The following MC1R variants were observed in gnomAD, a reference collection of about 807,000 sequenced individuals.
MC1R encodes melanocortin 1 receptor.
For synonymous variants in MC1R, 263 were observed against 203.8 expected (o/e 1.29, Z -2.47); for missense variants, 542 against 430.0 (o/e 1.26, Z -2.30).
chr16:89,920,748 T>C lies in MC1R; in HGVS notation c.*536T>C, dbSNP rs2045715070. 1.4e-6 allele frequency: 1 copy of C among 713,968 alleles called. No individual in the cohort carries two copies. Among genetic ancestry groups the C allele is most frequent in the Non-Finnish European group, 2.6e-6 (1 of 383,394 alleles). The allele number at this position is 713,968 out of a possible 1,614,324, so 44.2% of individuals were successfully genotyped here. A position where few individuals can be genotyped will look rare whatever the true frequency, so the allele number is the denominator to read the frequency against. On this transcript the variant is annotated 3_prime_UTR_variant, in exon 1 of 1. Transcript: ENST00000555147. The stretch of plus-strand genomic sequence containing the variant: ...CTCCTGCAAAAGGAGGTGAAATCCC[T>C]GCCTCAGGCCAAGGGACCAGGTTTG...
Position 89,920,813 on chromosome 16 carries a change from G to C in MC1R, c.*601G>C, listed in dbSNP as rs1567759078. 1.6e-6 allele frequency: 1 copy of C among 628,860 alleles called. No individual in the cohort carries two copies. Among genetic ancestry groups the C allele is most frequent in the Admixed American group, 2.8e-5 (1 of 35,264 alleles). 39.0% of individuals were successfully genotyped at this position (628,860 alleles called of 1,614,324 possible). On this transcript the variant is annotated 3_prime_UTR_variant, in exon 1 of 1. Coordinates refer to ENST00000555147, the MANE Select transcript of MC1R (RefSeq NM_002386.4). The stretch of plus-strand genomic sequence containing the variant: ...GTGGTATGGGGCTGAGCCCTCCTGA[G>C]GGCCGGTTCTAAGGCTCAGACTGGG...
chr16:89,919,342 C>CA lies in MC1R; in HGVS notation c.86dup (p.Asn29LysfsTer14), dbSNP rs796296176. The CA allele has an allele frequency of 3.3e-3, 5,373 of 1,612,934 alleles. 15 individuals are homozygous for CA. Among genetic ancestry groups the CA allele is most frequent in the Non-Finnish European group, 4.4e-3 (5,143 of 1,179,738 alleles). Reference sequence around the variant, plus strand: ...CCATCCCCCAGCTGGGGCTGGCTGCCAACCAGACAGGAGCCCGGTGCCTGG... The same window carrying CA: ...CCATCCCCCAGCTGGGGCTGGCTGCCAAACCAGACAGGAGCCCGGTGCCTGG... On this transcript the variant is annotated frameshift_variant, in exon 1 of 1. Transcript: ENST00000555147. LOFTEE classifies it low-confidence loss of function (END_TRUNC).
In MC1R at chr16:89,920,104, C is replaced by T; in HGVS notation, c.846C>T (p.Leu282=). The T allele has an allele frequency of 6.2e-7, 1 of 1,614,010 alleles. No homozygotes were observed. Among genetic ancestry groups the T allele is most frequent in the Non-Finnish European group, 8.5e-7 (1 of 1,179,902 alleles). Residue 282 remains leucine, a synonymous_variant, in exon 1 of 1, where the codon CTC becomes CTT. Transcript: ENST00000555147. ...TCGCIFKNFN[L]FLALIICNAI... is the part of the protein sequence containing the mutation. ...GCTGCATCTTCAAGAACTTCAACCT[C>T]TTTCTCGCCCTCATCATCTGCAATG...
rs768463479 is a variant in MC1R, at chr16:89,919,224, C to T, written c.-35C>T. ...GGAAGAACTGTGGGGACCTGGAGGC[C>T]TCCAACGACTCCTTCCTGCTTCCTG... On this transcript the variant is annotated 5_prime_UTR_variant, in exon 1 of 1. Transcript: ENST00000555147. 9 of 1,442,880 alleles carry T rather than the reference C, an allele frequency of 6.2e-6. No homozygotes were observed. The South Asian group carries it at 9.4e-5, about 15-fold the overall frequency. The allele number at this position is 1,442,880 out of a possible 1,614,324, so 89.4% of individuals were successfully genotyped here. A position where few individuals can be genotyped will look rare whatever the true frequency, so the allele number is the denominator to read the frequency against.
Position 89,920,855 on chromosome 16 carries a change from T to C in MC1R, c.*643T>C. The C allele has an allele frequency of 1.7e-6, 1 of 600,074 alleles. No individual in the cohort carries two copies. The highest frequency in any genetic ancestry group is 2.9e-5 in the East Asian group (1 of 34,742). The allele number at this position is 600,074 out of a possible 1,614,324, so 37.2% of individuals were successfully genotyped here. A position where few individuals can be genotyped will look rare whatever the true frequency, so the allele number is the denominator to read the frequency against. ...CAGACTGGGCACTGGGGCCTCAGCC[T>C]GCTTTCCTGCAGCAGTCGCCCAAGC... is the stretch of plus-strand genomic sequence containing the variant. On this transcript the variant is annotated 3_prime_UTR_variant, in exon 1 of 1. Transcript: ENST00000555147.
At position 89,919,909 on chromosome 16, in the gene MC1R, C is replaced by A. The variant is rs756060136; in HGVS notation, c.651C>A (p.His217Gln). ...ACATGCTGGCCCGGGCCTGCCAGCA[C>A]GCCCAGGGCATCGCCCGGCTCCACA... The part of the protein sequence containing the change: ...YVHMLARACQ[H>Q]AQGIARLHKR... The change falls in exon 1 of 1, where the codon CAC becomes CAA. Residue 217 changes from histidine (H) to glutamine (Q), a missense_variant. Coordinates refer to ENST00000555147, the MANE Select transcript of MC1R (RefSeq NM_002386.4). 5 of 1,608,066 alleles carry A rather than the reference C, an allele frequency of 3.1e-6. No homozygotes were observed. The highest frequency in any genetic ancestry group is 2.2e-5 in the South Asian group (2 of 91,080).
Position 89,918,985 on chromosome 16 carries a change from G to A in MC1R, c.-274G>A. On this transcript the variant is annotated 5_prime_UTR_variant, in exon 1 of 1. Transcript: ENST00000555147. ...CAGCCACCAGGGAAGAGGCAGGGAG[G>A]GAGCTGAGGACCAGGCTTGGTTGTG... 1 of 504,292 alleles carries A rather than the reference G, an allele frequency of 2.0e-6. No individual in the cohort carries two copies. Among genetic ancestry groups the A allele is most frequent in the Non-Finnish European group, 3.6e-6 (1 of 281,240 alleles). 31.2% of individuals were successfully genotyped at this position (504,292 alleles called of 1,614,324 possible).
Position 89,919,329 on chromosome 16 carries a change from T to G in MC1R, c.71T>G (p.Leu24Arg). 1 of 1,612,494 alleles carries G rather than the reference T, an allele frequency of 6.2e-7. No individual in the cohort carries two copies. The highest frequency in any genetic ancestry group is 1.1e-5 in the South Asian group (1 of 91,010). ...LNSTPTAIPQ[L>R]GLAANQTGAR... ...TCCACCCCCACAGCCATCCCCCAGC[T>G]GGGGCTGGCTGCCAACCAGACAGGA... Residue 24 changes from leucine (L) to arginine (R), a missense_variant, in exon 1 of 1, where the codon CTG (leucine) becomes CGG (arginine). Coordinates refer to ENST00000555147, the MANE Select transcript of MC1R (RefSeq NM_002386.4).
chr16:89,920,352 A>G lies in MC1R; in HGVS notation c.*140A>G, dbSNP rs3212369. On this transcript the variant is annotated 3_prime_UTR_variant, in exon 1 of 1. Transcript: ENST00000555147. ...GAGGATGGACTAAATGATCTCTGAA[A>G]GTGTTGAAGCGCGGACCCTTCTGGG... The G allele has an allele frequency of 0.17, 131,925 of 756,892 alleles. 13,290 individuals are homozygous for G. The highest frequency in any genetic ancestry group is 0.36 in the African/African-American group (20,602 of 56,550). The allele number at this position is 756,892 out of a possible 1,614,324, so 46.9% of individuals were successfully genotyped here.
rs12102534 is a variant in MC1R at position 89,920,073 on chromosome 16, C to A, written c.815C>A (p.Thr272Lys). ...ATCGTCCTCTGCCCCGAGCACCCCA[C>A]GTGCGGCTGCATCTTCAAGAACTTC... ...TLIVLCPEHP[T>K]CGCIFKNFNL... The change falls in exon 1 of 1, where the codon ACG (threonine) becomes AAG (lysine). Residue 272 changes from threonine to lysine, a missense_variant. Coordinates refer to ENST00000555147, the MANE Select transcript of MC1R (RefSeq NM_002386.4). The A allele has an allele frequency of 1.4e-5, 22 of 1,613,750 alleles. No homozygotes were observed. Among genetic ancestry groups the A allele is most frequent in the Admixed American group, 5.0e-5 (3 of 60,002 alleles).
Position 89,920,907 on chromosome 16 carries a change from A to G in MC1R, c.*695A>G. The G allele has an allele frequency of 1.7e-6, 1 of 586,764 alleles. No homozygotes were observed. Among genetic ancestry groups the G allele is most frequent in the South Asian group, 2.2e-5 (1 of 45,306 alleles). 36.3% of individuals were successfully genotyped at this position (586,764 alleles called of 1,614,324 possible). On this transcript the variant is annotated 3_prime_UTR_variant, in exon 1 of 1. Transcript: ENST00000555147. ...GACAGCCCTGGCAAATGCCTGACTC[A>G]GTGACCAGTGCCTGTGAGCATGGGG...
At position 89,920,062 on chromosome 16, in the gene MC1R, C is replaced by T. The variant is rs760209791; in HGVS notation, c.804C>T (p.Pro268=). 1.2e-5 allele frequency: 20 copies of T among 1,613,768 alleles called. No individual in the cohort carries two copies. In the East Asian group the frequency reaches 1.8e-4, roughly 14 times the overall value. ...ATCTCACACTCATCGTCCTCTGCCC[C>T]GAGCACCCCACGTGCGGCTGCATCT... The part of the protein sequence containing the change: ...FLHLTLIVLC[P]EHPTCGCIFK... The change falls in exon 1 of 1, where the codon CCC becomes CCT. Residue 268 remains proline (P), a synonymous_variant. Coordinates refer to ENST00000555147, the MANE Select transcript of MC1R (RefSeq NM_002386.4).
chr16:89,920,643 T>A lies in MC1R; in HGVS notation c.*431T>A. On this transcript the variant is annotated 3_prime_UTR_variant, in exon 1 of 1. Transcript: ENST00000555147. ...GATGTGAAGTCTCTGGGTGGAAGTG[T>A]GTGCCAAGAGCTACTCCCACAGCAG... is the stretch of plus-strand genomic sequence containing the variant. 1 of 714,860 alleles carries A rather than the reference T, an allele frequency of 1.4e-6. No individual in the cohort carries two copies. Among genetic ancestry groups the A allele is most frequent in the Non-Finnish European group, 2.6e-6 (1 of 384,124 alleles). The allele number at this position is 714,860 out of a possible 1,614,324, so 44.3% of individuals were successfully genotyped here. A position where few individuals can be genotyped will look rare whatever the true frequency, so the allele number is the denominator to read the frequency against.
Position 89,919,387 on chromosome 16 carries a change from G to T in MC1R, c.129G>T (p.Gly43=). The T allele has an allele frequency of 1.2e-6, 2 of 1,613,342 alleles. No homozygotes were observed. Among genetic ancestry groups the T allele is most frequent in the Non-Finnish European group, 1.7e-6 (2 of 1,179,882 alleles). The change falls in exon 1 of 1, where the codon GGG becomes GGT. Residue 43 remains glycine, a synonymous_variant. Coordinates refer to ENST00000555147, the MANE Select transcript of MC1R (RefSeq NM_002386.4). ...GCCTGGAGGTGTCCATCTCTGACGGGCTCTTCCTCAGCCTGGGGCTGGTGA... is the reference window on the plus strand; with the variant it reads ...GCCTGGAGGTGTCCATCTCTGACGGTCTCTTCCTCAGCCTGGGGCTGGTGA... ...ARCLEVSISD[G]LFLSLGLVSL...
In MC1R at chr16:89,919,311, C is replaced by A; in HGVS notation, c.53C>A (p.Pro18His). 1 of 1,610,758 alleles carries A rather than the reference C, an allele frequency of 6.2e-7. No individual in the cohort carries two copies. ...CTTCTGGGCTCCCTCAACTCCACCC[C>A]CACAGCCATCCCCCAGCTGGGGCTG... ...RRLLGSLNST[P>H]TAIPQLGLAA... The change falls in exon 1 of 1, where the codon CCC (proline) becomes CAC (histidine). Residue 18 changes from proline (P) to histidine (H), a missense_variant. Transcript: ENST00000555147.
Position 89,919,196 on chromosome 16 carries a change from A to G in MC1R, c.-63A>G. On this transcript the variant is annotated 5_prime_UTR_variant, in exon 1 of 1. Coordinates refer to ENST00000555147, the MANE Select transcript of MC1R (RefSeq NM_002386.4). ...ACCATGAACTAAGCAGGACACCTGG[A>G]GGGGAAGAACTGTGGGGACCTGGAG... The G allele has an allele frequency of 8.6e-7, 1 of 1,167,856 alleles. No individual in the cohort carries two copies. Among genetic ancestry groups the G allele is most frequent in the East Asian group, 2.6e-5 (1 of 38,690 alleles). 72.3% of individuals were successfully genotyped at this position (1,167,856 alleles called of 1,614,324 possible).
chr16:89,919,508 G>A lies in MC1R; in HGVS notation c.250G>A (p.Asp84Asn), dbSNP rs538777064. Reference protein sequence around the residue: ...YCFICCLALSDLLVSGSNVLE... With the variant: ...YCFICCLALSNLLVSGSNVLE... ...CTTCATCTGCTGCCTGGCCTTGTCGGACCTGCTGGTGAGCGGGAGCAACGT... is the reference window on the plus strand; with the variant it reads ...CTTCATCTGCTGCCTGGCCTTGTCGAACCTGCTGGTGAGCGGGAGCAACGT... Residue 84 changes from aspartate (D) to asparagine (N), a missense_variant, in exon 1 of 1, where the codon GAC becomes AAC. By Grantham distance (23) the Asp-to-Asn change is conservative. Coordinates refer to ENST00000555147, the MANE Select transcript of MC1R (RefSeq NM_002386.4). The A allele has an allele frequency of 3.1e-6, 5 of 1,613,102 alleles. No homozygotes were observed. In the African/African-American group the frequency reaches 4.0e-5, roughly 13 times the overall value.
rs544933829 is a variant in MC1R, at chr16:89,919,159, C to G, written c.-100C>G. 1.2e-6 allele frequency: 1 copy of G among 827,538 alleles called. No homozygotes were observed. The highest frequency in any genetic ancestry group is 2.9e-5 in the Admixed American group (1 of 34,602). The allele number at this position is 827,538 out of a possible 1,614,324, so 51.3% of individuals were successfully genotyped here. A position where few individuals can be genotyped will look rare whatever the true frequency, so the allele number is the denominator to read the frequency against. On this transcript the variant is annotated 5_prime_UTR_variant, in exon 1 of 1. Transcript: ENST00000555147. ...AGGCAGGCATGGGGGACACCCAAGGCCCCCTGGCAGCACCATGAACTAAGC... is the reference window on the plus strand; with the variant it reads ...AGGCAGGCATGGGGGACACCCAAGGGCCCCTGGCAGCACCATGAACTAAGC...
rs746795719 is a variant in MC1R at position 89,919,850 on chromosome 16, G to C, written c.592G>C (p.Ala198Pro). Residue 198 changes from alanine (A) to proline (P), a missense_variant, in exon 1 of 1, where the codon GCT becomes CCT. By Grantham distance (27) the Ala-to-Pro change is conservative. Transcript: ENST00000555147. ...VLLCLVVFFLAMLVLMAVLYV... is the reference protein window; with the variant it reads ...VLLCLVVFFLPMLVLMAVLYV... ...GCTGTGCCTCGTGGTCTTCTTCCTG[G>C]CTATGCTGGTGCTCATGGCCGTGCT... 9 of 1,606,420 alleles carry C rather than the reference G, an allele frequency of 5.6e-6. No homozygotes were observed. Among genetic ancestry groups the C allele is most frequent in the Admixed American group, 1.7e-5 (1 of 60,004 alleles).
Sources: gnomAD v4.1 joint callset for allele counts on GRCh38, gnomAD v4.1.1 for gene constraint, MANE v1.5 for transcripts, NCBI Gene and HGNC (gene_info 2026-07-23, HGNC 2026-07-21) for gene names.